The following PARD3 variants were observed in gnomAD, a reference collection of about 807,000 sequenced individuals.
The protein encoded by PARD3 is partitioning defective 3 homolog.
In PARD3, 75 loss-of-function variants were observed where a neutral mutation model predicts 155.4. The observed-to-expected ratio is 0.48, with a 90% CI of 0.40 to 0.58. The LOEUF is 0.58. Among genes scored for constraint, PARD3 ranks in the 20% least tolerant of loss-of-function variants. The pLI, the probability that PARD3 is intolerant of heterozygous loss-of-function variation, is 0.00. For missense variants in PARD3, 1,642 were observed against 1,721.7 expected, an observed-to-expected ratio of 0.95 and a Z score of 0.82; for synonymous variants, 576 against 610.5, an observed-to-expected ratio of 0.94 and a Z score of 0.83.
chr10:34,129,832 CTTTTTTT>C (rs71030099), intron 23 of PARD3, among the ~76,000 whole-genome samples: 1 of 120,126 alleles, frequency 8.3e-6, no homozygotes, highest in Non-Finnish European at 1.7e-5. Flanking sequence ...TAATTAAAAA[CTTTTTTT>C]TTTTTTTTTT....
chr10:34,663,601 A>G (rs1265718210), intron 2 of PARD3, among the ~76,000 whole-genome samples: 1 of 152,164 alleles, frequency 6.6e-6, no homozygotes, highest in Non-Finnish European at 1.5e-5. Context: ...AATTTTTAAA[A>G]AAAGTTCCTT....
intron 2 of PARD3, among the ~76,000 whole-genome samples, chr10:34,539,416 T>C (rs667159): frequency 0.55 from 83,042 of 152,168 alleles, 25,764 homozygotes; most frequent in African/African-American, 0.87. Flanking sequence ...CGCCTGTATT[T>C]CCAGCACTTT....
chr10:34,803,007 C>T (rs889654728), intron 1 of PARD3, among the ~76,000 whole-genome samples: 2 of 148,048 alleles, frequency 1.4e-5, no homozygotes, highest in Admixed American at 6.9e-5. Context: ...GGGTGGATCA[C>T]TTGAGGTCAG....
At chr10:34,801,075 G>T (rs775127718) in intron 1 of PARD3, among the ~76,000 whole-genome samples, 1 of 152,144 alleles carries the variant, frequency 6.6e-6, no homozygotes, top group Non-Finnish European at 1.5e-5. Flanking sequence ...GAGTATTCTG[G>T]AAAGTTTTTG....
chr10:34,783,464 C>CGTG (rs1470923161), intron 1 of PARD3, among the ~76,000 whole-genome samples: 8 of 151,640 alleles, frequency 5.3e-5, no homozygotes, highest in African/African-American at 1.5e-4. Flanking sequence ...ATTAGCTGGG[C>CGTG]GTGGTGGCGG....
intron 1 of PARD3, among the ~76,000 whole-genome samples, chr10:34,727,035 T>C (rs1256143585): frequency 6.6e-6 from 1 of 152,130 alleles, no homozygotes; most frequent in Non-Finnish European, 1.5e-5. Flanking sequence ...AAAGGGGAAG[T>C]ACAAGATCTA....
intron 1 of PARD3, among the ~76,000 whole-genome samples, chr10:34,721,776 T>A (rs963753345): frequency 1.3e-5 from 2 of 152,252 alleles, no homozygotes; most frequent in Non-Finnish European, 2.9e-5. Flanking sequence ...ACTGCTAATC[T>A]GAGTTATGTG....
chr10:34,115,495 G>C (rs986910647), intron 24 of PARD3, among the ~76,000 whole-genome samples: 2 of 152,104 alleles, frequency 1.3e-5, no homozygotes, highest in Non-Finnish European at 2.9e-5. Context: ...TGACAGAGGA[G>C]CAATTTTTCT....
intron 4 of PARD3, among the ~76,000 whole-genome samples, chr10:34,463,004 G>A (rs532949496): frequency 4.7e-4 from 46 of 96,984 alleles, no homozygotes; most frequent in Non-Finnish European, 9.0e-4. Flanking sequence ...AAGAGAATGG[G>A]GAGGGGAAGG....
intron 22 of PARD3, among the ~76,000 whole-genome samples, chr10:34,196,087 C>T (rs370651399): frequency 5.7e-4 from 87 of 152,298 alleles, no homozygotes; most frequent in African/African-American, 2.0e-3. Flanking sequence ...CATACTTCTG[C>T]CACTTAATTT....
intron 1 of PARD3, among the ~76,000 whole-genome samples, chr10:34,789,680 G>A (rs988264038): frequency 6.6e-5 from 10 of 151,906 alleles, no homozygotes; most frequent in Non-Finnish European, 1.0e-4. Context: ...CTCTAACCTG[G>A]GCAACAGAGC....
intron 2 of PARD3, among the ~76,000 whole-genome samples, chr10:34,679,254 A>C (rs1346847044): frequency 6.6e-6 from 1 of 152,198 alleles, no homozygotes; most frequent in Non-Finnish European, 1.5e-5. Flanking sequence ...TGTGGACTCC[A>C]GGTTCACCAG....
intron 2 of PARD3, among the ~76,000 whole-genome samples, chr10:34,691,393 GA>G (rs1564513569): frequency 1.3e-5 from 2 of 152,056 alleles, no homozygotes; most frequent in Non-Finnish European, 2.9e-5. Context: ...CCAAAGAAAC[GA>G]AAGATCTCTA....
At chr10:34,596,910 G>A (rs1021557715) in intron 2 of PARD3, among the ~76,000 whole-genome samples, 15 of 152,118 alleles carry the variant, frequency 9.9e-5, no homozygotes, top group African/African-American at 3.6e-4. Flanking sequence ...CTAGTTTTAG[G>A]TACATCAATA....
rs369552166 is a variant in PARD3, at chr10:34,742,462, A to T, written c.121-46043T>A. On this transcript the variant is annotated intron_variant, in intron 1 of 24. Coordinates refer to ENST00000374788, the MANE Select transcript of PARD3 (RefSeq NM_001184785.2). ...TCCTTGGCTGGATGGCCTCTACACA[A>T]CACGGCTCCCAGGGGTGGTCCCGTC... Among the ~76,000 whole-genome samples, 19 of 152,346 alleles carry T rather than the reference A, an allele frequency of 1.2e-4. No homozygotes were observed. In the South Asian group the frequency reaches 1.5e-3, roughly 12 times the overall value.
chr10:34,292,516 G>A (rs10508801), intron 20 of PARD3, among the ~76,000 whole-genome samples: 11,262 of 152,178 alleles, frequency 0.074, 569 homozygotes, highest in Non-Finnish European at 0.1. Context: ...GAAAGGGTAC[G>A]TGACAACTTG....
chr10:34,271,949 C>G (rs1293495383), intron 21 of PARD3, among the ~76,000 whole-genome samples: 1 of 152,242 alleles, frequency 6.6e-6, no homozygotes, highest in South Asian at 2.1e-4. Context: ...TAATCCCTAA[C>G]GAAACAAAAC....
intron 22 of PARD3, among the ~76,000 whole-genome samples, chr10:34,263,618 A>C (rs1391658118): frequency 6.6e-6 from 1 of 152,098 alleles, no homozygotes; most frequent in Non-Finnish European, 1.5e-5. Flanking sequence ...CAAATCATAC[A>C]CCAGCCTAGG....
intron 21 of PARD3, 135 bp downstream of exon 21, chr10:34,284,000 A>G: frequency 3.2e-6 from 2 of 616,766 alleles, no homozygotes. Flanking sequence ...ACCCACAACC[A>G]TCAATATTTG....
Sources: gnomAD v4.1 joint callset for allele counts (sites outside exome capture counted in the v4.1 genomes callset) on GRCh38, gnomAD v4.1.1 for gene constraint, MANE v1.5 for transcripts, NCBI Gene and HGNC (gene_info 2026-07-23, HGNC 2026-07-21) for gene names.